NOL4: variants seen among roughly 807,000 people sequenced by gnomAD.
NOL4 encodes the protein nucleolar protein 4.
Under a neutral mutation model 75.9 loss-of-function variants are expected in NOL4, and 17 were observed. That is an observed-to-expected ratio of 0.22 (90% CI 0.15 to 0.34). The LOEUF (loss-of-function observed/expected upper bound fraction) is 0.34. NOL4 is among the 10% of genes least tolerant of loss of function. NOL4 has a pLI of 1.00. For missense variants in NOL4, 614 were observed against 793.5 expected, an observed-to-expected ratio of 0.77 and a Z score of 2.72; for synonymous variants, 292 against 289.9, an observed-to-expected ratio of 1.01 and a Z score of -0.07.
chr18:33,898,533 C>T (rs2065556401), intron 9 of NOL4, among the ~76,000 whole-genome samples: 1 of 152,100 alleles, frequency 6.6e-6, no homozygotes, highest in African/African-American at 2.4e-5. Context: ...AGTTAATGCA[C>T]CATGCCATTT....
At chr18:34,101,039 C>A (rs577080071) in intron 4 of NOL4, among the ~76,000 whole-genome samples, 1 of 152,104 alleles carries the variant, frequency 6.6e-6, no homozygotes, top group Non-Finnish European at 1.5e-5. Flanking sequence ...TGCTTCACAT[C>A]GAATCTGTCA....
intron 5 of NOL4, among the ~76,000 whole-genome samples, chr18:34,034,750 C>A (rs530882677): frequency 1.1e-4 from 16 of 151,578 alleles, no homozygotes; most frequent in African/African-American, 3.6e-4. Flanking sequence ...ACCCCACCCC[C>A]CAAAAAAGCA....
intron 6 of NOL4, among the ~76,000 whole-genome samples, chr18:33,988,754 C>G (rs890598245): frequency 6.6e-6 from 1 of 151,686 alleles, no homozygotes; most frequent in African/African-American, 2.4e-5. Context: ...ATCTACACCA[C>G]ATGGTATATA....
chr18:34,163,006 T>C (rs537568469), intron 1 of NOL4, among the ~76,000 whole-genome samples: 1 of 152,188 alleles, frequency 6.6e-6, no homozygotes, highest in Non-Finnish European at 1.5e-5. Context: ...ATTATCTCAA[T>C]AGATGCACAA....
At chr18:33,997,173 C>T (rs150298679) in intron 6 of NOL4, among the ~76,000 whole-genome samples, 2 of 151,834 alleles carry the variant, frequency 1.3e-5, no homozygotes, top group Admixed American at 1.3e-4. Flanking sequence ...AAGCGGATGT[C>T]CAGAAGGGTA....
At chr18:33,903,178 C>A (rs2065840970) in intron 9 of NOL4, among the ~76,000 whole-genome samples, 1 of 152,118 alleles carries the variant, frequency 6.6e-6, no homozygotes, top group South Asian at 2.1e-4. Context: ...AGGAAACTTA[C>A]AATCATGGTG....
At chr18:34,111,530 C>T (rs1398995930) in intron 2 of NOL4, among the ~76,000 whole-genome samples, 2 of 151,992 alleles carry the variant, frequency 1.3e-5, no homozygotes, top group African/African-American at 4.8e-5. Flanking sequence ...TGGAATGATT[C>T]CTTGTCAGAC....
chr18:33,851,224 C>A lies in NOL4; in HGVS notation c.*1618G>T, dbSNP rs1424044487. 6.6e-6 allele frequency: 1 copy of A among 152,382 alleles called. No homozygotes were observed. The highest frequency in any genetic ancestry group is 1.9e-4 in the East Asian group (1 of 5,186). 9.4% of individuals were successfully genotyped at this position (152,382 alleles called of 1,614,324 possible). ...ATCCACATCTTAAAAGATGTTTGTG[C>A]AGCTATGTATTTCCAAAATACTCAT... On this transcript the variant is annotated 3_prime_UTR_variant, in exon 11 of 11. Transcript: ENST00000261592.
chr18:33,999,908 T>C (rs1477215126), intron 6 of NOL4, among the ~76,000 whole-genome samples: 2 of 152,066 alleles, frequency 1.3e-5, no homozygotes, highest in Admixed American at 1.3e-4. Flanking sequence ...TGCCTCGGCC[T>C]CCCAAAGTGC....
intron 5 of NOL4, among the ~76,000 whole-genome samples, chr18:34,038,114 C>CA (rs1342230218): frequency 6.6e-6 from 1 of 151,926 alleles, no homozygotes; most frequent in Non-Finnish European, 1.5e-5. Flanking sequence ...AGAAGACATA[C>CA]AAATGGTTAA....
intron 5 of NOL4, among the ~76,000 whole-genome samples, chr18:34,084,108 T>C (rs1243810831): frequency 6.6e-6 from 1 of 152,154 alleles, no homozygotes; most frequent in Admixed American, 6.5e-5. Flanking sequence ...ATGAGGTGTC[T>C]GGAGAGTCCT....
intron 1 of NOL4, among the ~76,000 whole-genome samples, chr18:34,207,634 C>T (rs1304519343): frequency 6.6e-6 from 1 of 152,180 alleles, no homozygotes; most frequent in Non-Finnish European, 1.5e-5. Context: ...ATTTCCCTCA[C>T]ACTCTCTAAT....
At chr18:34,128,430 G>A (rs148969081) in intron 2 of NOL4, among the ~76,000 whole-genome samples, 172 of 152,004 alleles carry the variant, frequency 1.1e-3, no homozygotes, top group Non-Finnish European at 1.2e-3. Context: ...TACACAGTTA[G>A]TGATATTAGT....
At chr18:34,061,206 T>C (rs1299059756) in intron 5 of NOL4, among the ~76,000 whole-genome samples, 2 of 152,168 alleles carry the variant, frequency 1.3e-5, no homozygotes, top group East Asian at 1.9e-4. Context: ...TTTATATACA[T>C]GTATTTGGCT....
At chr18:34,085,890 T>C (rs1447163982) in intron 5 of NOL4, among the ~76,000 whole-genome samples, 1 of 152,160 alleles carries the variant, frequency 6.6e-6, no homozygotes, top group African/African-American at 2.4e-5. Flanking sequence ...AACACACATA[T>C]ACACACAAAT....
intron 9 of NOL4, among the ~76,000 whole-genome samples, chr18:33,914,300 A>G (rs1403845003): frequency 6.6e-6 from 1 of 152,036 alleles, no homozygotes; most frequent in Non-Finnish European, 1.5e-5. Flanking sequence ...AGACCCTGAG[A>G]CAGGATCATA....
chr18:34,014,783 T>A (rs375087969), intron 6 of NOL4, among the ~76,000 whole-genome samples: 4 of 152,058 alleles, frequency 2.6e-5, no homozygotes, highest in East Asian at 3.9e-4. Context: ...TTAGATTAGT[T>A]AATGTGATTC....
chr18:34,032,253 C>T (rs1237017999), intron 5 of NOL4, among the ~76,000 whole-genome samples: 1 of 152,140 alleles, frequency 6.6e-6, no homozygotes, highest in African/African-American at 2.4e-5. Flanking sequence ...GTAGCACCAC[C>T]CTATCCAGTA....
chr18:33,928,182 G>A (rs1441709943), intron 9 of NOL4, among the ~76,000 whole-genome samples: 2 of 152,120 alleles, frequency 1.3e-5, no homozygotes, highest in Admixed American at 6.5e-5. Flanking sequence ...TAACAAAGAT[G>A]TTGTCTTCAT....
Sources: allele counts gnomAD v4.1 joint callset (sites outside exome capture counted in the v4.1 genomes callset), GRCh38; gene constraint gnomAD v4.1.1; transcripts MANE v1.5; gene names NCBI Gene and HGNC (gene_info 2026-07-23, HGNC 2026-07-21).